The following SLC39A10 variants were observed in gnomAD, a reference collection of about 807,000 sequenced individuals.
SLC39A10 encodes the protein zinc transporter ZIP10.
A neutral mutation model predicts 65.1 loss-of-function variants in SLC39A10; 13 were observed. That is an observed-to-expected ratio of 0.20 (90% CI 0.13 to 0.32). The LOEUF (loss-of-function observed/expected upper bound fraction) is 0.32. Ranked by LOEUF, SLC39A10 falls within the 10% of genes least tolerant of loss-of-function variation. The probability of loss-of-function intolerance (pLI) is 1.00; values close to 1 mark genes in which losing one functional copy is unlikely to be tolerated. For synonymous variants in SLC39A10, 321 were observed against 342.2 expected, an observed-to-expected ratio of 0.94 and a Z score of 0.68; for missense variants, 831 against 1,018.4, an observed-to-expected ratio of 0.82 and a Z score of 2.50.
At chr2:195,700,289 TG>T (rs1243234787) in intron 3 of SLC39A10, among the ~76,000 whole-genome samples, 4 of 152,200 alleles carry the variant, frequency 2.6e-5, no homozygotes, top group Admixed American at 6.5e-5. Context: ...ATGCTTTTTT[TG>T]TCCTTCATTC....
At chr2:195,646,403 C>T (rs1688916030) in intron 2 of SLC39A10, among the ~76,000 whole-genome samples, 1 of 152,162 alleles carries the variant, frequency 6.6e-6, no homozygotes, top group Non-Finnish European at 1.5e-5. Context: ...TTTTAATTTC[C>T]TATTGCTGCT....
At chr2:195,620,086 C>G (rs1688320638) in intron 2 of SLC39A10, among the ~76,000 whole-genome samples, 1 of 152,158 alleles carries the variant, frequency 6.6e-6, no homozygotes, top group African/African-American at 2.4e-5. Context: ...CCACACCCAG[C>G]TAATTTTTTG....
chr2:195,684,265 G>T (rs1690441924), intron 3 of SLC39A10, among the ~76,000 whole-genome samples: 1 of 151,982 alleles, frequency 6.6e-6, no homozygotes, highest in Admixed American at 6.6e-5. Context: ...ATTTATCAGG[G>T]TGCCTCTGTT....
rs1460144828 is a variant in SLC39A10 at position 195,735,530 on chromosome 2, C to T, written c.*489C>T. 1 of 152,580 alleles carries T rather than the reference C, an allele frequency of 6.6e-6. No individual in the cohort carries two copies. The highest frequency in any genetic ancestry group is 1.5e-5 in the Non-Finnish European group (1 of 68,050). 9.5% of individuals were successfully genotyped at this position (152,580 alleles called of 1,614,324 possible). ...GGATCAACTTGACACAACTTTGAAA[C>T]TGCATAAAGTAGACATAGGAACTAG... On this transcript the variant is annotated 3_prime_UTR_variant, in exon 10 of 10. Coordinates refer to ENST00000359634, the MANE Select transcript of SLC39A10 (RefSeq NM_020342.3).
At chr2:195,696,356 A>C (rs998426093) in intron 3 of SLC39A10, among the ~76,000 whole-genome samples, 4 of 151,120 alleles carry the variant, frequency 2.6e-5, no homozygotes, top group Non-Finnish European at 5.9e-5. Flanking sequence ...GGATTTTAAT[A>C]GGGATTGCAT....
At chr2:195,683,179 G>C (rs1690398032) in intron 2 of SLC39A10, among the ~76,000 whole-genome samples, 1 of 148,910 alleles carries the variant, frequency 6.7e-6, no homozygotes, top group African/African-American at 2.5e-5. Context: ...TGTTTTTAAA[G>C]TACCAGTGGA....
chr2:195,717,950 CA>C (rs1691878771), intron 7 of SLC39A10, among the ~76,000 whole-genome samples: 1 of 152,080 alleles, frequency 6.6e-6, no homozygotes, highest in Non-Finnish European at 1.5e-5. Flanking sequence ...ACCATCAAAC[CA>C]CTACTTTGAA....
chr2:195,718,372 C>G, intron 8 of SLC39A10, 40 bp downstream of exon 8: 2 of 1,445,854 alleles, frequency 1.4e-6, no homozygotes, highest in Non-Finnish European at 1.9e-6. Context: ...TTCATCAAAT[C>G]TAAGACTTCC....
intron 2 of SLC39A10, among the ~76,000 whole-genome samples, chr2:195,648,237 A>T (rs1688964049): frequency 6.6e-6 from 1 of 151,206 alleles, no homozygotes; most frequent in African/African-American, 2.4e-5. Flanking sequence ...GGCTCAAGCG[A>T]TCCTCCCATC....
chr2:195,701,112 T>C (rs993121154), intron 3 of SLC39A10, among the ~76,000 whole-genome samples: 3 of 151,414 alleles, frequency 2.0e-5, no homozygotes, highest in Admixed American at 1.3e-4. Flanking sequence ...CTGTTCGTTT[T>C]TAGTCAATAT....
intron 6 of SLC39A10, 52 bp downstream of exon 6, chr2:195,713,605 T>A: frequency 6.6e-7 from 1 of 1,505,526 alleles, no homozygotes; most frequent in Non-Finnish European, 8.9e-7. Context: ...TTTTTTTCAT[T>A]CAAATTTACA....
intron 3 of SLC39A10, among the ~76,000 whole-genome samples, chr2:195,693,948 T>TA (rs1690842863): frequency 6.6e-6 from 1 of 152,208 alleles, no homozygotes; most frequent in South Asian, 2.1e-4. Flanking sequence ...TTTAATGCTA[T>TA]AAACTTTTAG....
intron 5 of SLC39A10, among the ~76,000 whole-genome samples, chr2:195,709,458 C>T (rs998284305): frequency 6.6e-6 from 1 of 152,120 alleles, no homozygotes; most frequent in Admixed American, 6.6e-5. Flanking sequence ...TCTTGAACTC[C>T]TGGCTTCAAG....
chr2:195,617,724 C>A (rs9711328), intron 2 of SLC39A10, among the ~76,000 whole-genome samples: 120,986 of 144,976 alleles, frequency 0.83, 50,091 homozygotes, highest in African/African-American at 0.86. Context: ...CTTTTCTTTT[C>A]TTTTATTTTA....
intron 3 of SLC39A10, among the ~76,000 whole-genome samples, chr2:195,694,078 GTTAT>G: frequency 6.6e-6 from 1 of 152,256 alleles, no homozygotes; most frequent in Middle Eastern, 3.4e-3. Flanking sequence ...TCAGGAGCAG[GTTAT>G]TTAATTTCCT....
intron 3 of SLC39A10, 118 bp from the exon 4 acceptor site, chr2:195,706,498 T>C: frequency 2.2e-6 from 2 of 928,194 alleles, no homozygotes; most frequent in Non-Finnish European, 3.1e-6. Context: ...AAAGCTTTCA[T>C]AATCTGGGTA....
chr2:195,723,125 C>T (rs1405695200), intron 8 of SLC39A10, among the ~76,000 whole-genome samples: 2 of 152,098 alleles, frequency 1.3e-5, no homozygotes, highest in African/African-American at 4.8e-5. Context: ...ACATATAGTT[C>T]AGGGAATTTG....
At chr2:195,652,049 A>G (rs1296075892), upstream of SLC39A10, among the ~76,000 whole-genome samples, 1 of 152,188 alleles carries the variant, frequency 6.6e-6, no homozygotes, top group Non-Finnish European at 1.5e-5. Context: ...TATAAGACAC[A>G]ATACATGTAC....
At chr2:195,692,151 G>C (rs769217304) in intron 3 of SLC39A10, among the ~76,000 whole-genome samples, 25 of 152,112 alleles carry the variant, frequency 1.6e-4, no homozygotes, top group African/African-American at 5.3e-4. Flanking sequence ...TTGAAGATCT[G>C]TTGGCGTATT....
Sources: gnomAD v4.1 joint callset for allele counts (sites outside exome capture counted in the v4.1 genomes callset) on GRCh38, gnomAD v4.1.1 for gene constraint, MANE v1.5 for transcripts, NCBI Gene and HGNC (gene_info 2026-07-23, HGNC 2026-07-21) for gene names.